OPA1: variants seen among roughly 807,000 people sequenced by gnomAD.
OPA1 encodes the protein dynamin-like GTPase OPA1, mitochondrial.
A neutral mutation model predicts 152.9 loss-of-function variants in OPA1; 59 were observed. The observed-to-expected ratio is 0.39, with a 90% confidence interval of 0.31 to 0.48. OPA1 has a LOEUF of 0.48. Among genes scored for constraint, OPA1 ranks in the 20% least tolerant of loss-of-function variants. OPA1 has a pLI of 0.96. For synonymous variants in OPA1, 400 were observed against 389.9 expected (o/e 1.03, Z -0.31); for missense variants, 1,008 against 1,216.8 (o/e 0.83, Z 2.55).
At chr3:193,626,844 A>G (rs765892452) in intron 7 of OPA1, among the ~76,000 whole-genome samples, 5 of 152,202 alleles carry the variant, frequency 3.3e-5, no homozygotes, top group African/African-American at 7.2e-5. Context: ...AACAAGTTCT[A>G]ATAAAAGCTT....
At chr3:193,648,022 C>G in intron 19 of OPA1, 48 bp from the exon 20 acceptor site, 1 of 1,362,276 alleles carries the variant, frequency 7.3e-7, no homozygotes, top group Non-Finnish European at 1.1e-6. Flanking sequence ...ACCACTACAT[C>G]TGGAAAGAAG....
chr3:193,681,609 T>A (rs551627559), intron 29 of OPA1, among the ~76,000 whole-genome samples: 1 of 152,250 alleles, frequency 6.6e-6, no homozygotes, highest in Non-Finnish European at 1.5e-5. Context: ...AATAGAAGTT[T>A]TGTGGCAACC....
intron 29 of OPA1, among the ~76,000 whole-genome samples, chr3:193,669,157 GA>G (rs1374150230): frequency 2.0e-5 from 3 of 152,226 alleles, no homozygotes; most frequent in African/African-American, 7.2e-5. Context: ...GGGTTATCCT[GA>G]AGAAGCCAGG....
intron 1 of OPA1, among the ~76,000 whole-genome samples, chr3:193,599,307 G>C (rs1438957231): frequency 6.6e-6 from 1 of 151,822 alleles, no homozygotes; most frequent in Non-Finnish European, 1.5e-5. Context: ...ATTCAGTCCA[G>C]TTTTACTCCT....
In OPA1 at chr3:193,678,413, C is replaced by T. The variant is rs199563509; in HGVS notation, c.2983+11133C>T. 5.9e-5 allele frequency among the ~76,000 whole-genome samples: 9 copies of T among 151,970 alleles called. No homozygotes were observed. The East Asian group carries it at 1.5e-3, about 26-fold the overall frequency. On this transcript the variant is annotated intron_variant, in intron 29 of 30. Coordinates refer to ENST00000361510, the MANE Select transcript of OPA1 (RefSeq NM_130837.3). The stretch of plus-strand genomic sequence containing the variant: ...TGGCAAAATTTTAAAAAATAATTGC[C>T]ACCACCCAGAGATTGCACTGTAGTT...
intron 11 of OPA1, among the ~76,000 whole-genome samples, chr3:193,641,818 G>A (rs528803870): frequency 7.9e-5 from 12 of 152,208 alleles, no homozygotes; most frequent in Non-Finnish European, 1.3e-4. Flanking sequence ...AATATACATT[G>A]CTATAACATT....
At position 193,692,058 on chromosome 3, in the gene OPA1, C is replaced by CACTTTTCTCTA; in HGVS notation, c.2984-3_2984-2insTTTTCTCTAAC. On this transcript the variant is annotated splice_region_variant and splice_polypyrimidine_tract_variant and intron_variant, in intron 29 of 30. Coordinates refer to ENST00000361510, the MANE Select transcript of OPA1 (RefSeq NM_130837.3). ...AAATGTTTTTCTTTATTTTTATCTC[C>CACTTTTCTCTA]ACAGAGAAAGTTAGAGAAATTCAAG... is the stretch of plus-strand genomic sequence containing the variant. The CACTTTTCTCTA allele has an allele frequency of 6.7e-7, 1 of 1,484,892 alleles. No homozygotes were observed. Among genetic ancestry groups the CACTTTTCTCTA allele is most frequent in the Non-Finnish European group, 9.3e-7 (1 of 1,077,790 alleles). The allele number at this position is 1,484,892 out of a possible 1,614,324, so 92.0% of individuals were successfully genotyped here. A position where few individuals can be genotyped will look rare whatever the true frequency, so the allele number is the denominator to read the frequency against.
At chr3:193,675,910 C>T (rs1718895785) in intron 29 of OPA1, among the ~76,000 whole-genome samples, 2 of 152,174 alleles carry the variant, frequency 1.3e-5, no homozygotes, top group African/African-American at 4.8e-5. Flanking sequence ...GGAACTAACT[C>T]TTTTCATCCC....
At chr3:193,690,326 A>G (rs1322352995) in intron 29 of OPA1, among the ~76,000 whole-genome samples, 1 of 64,352 alleles carries the variant, frequency 1.6e-5, no homozygotes. Flanking sequence ...CACCCCACAC[A>G]CACACAGATT....
chr3:193,610,628 G>A lies in OPA1; in HGVS notation c.33-4095G>A, dbSNP rs536260300. Reference sequence around the variant, plus strand: ...CCTTTTGTTCGGCTATGCCCTGCCTGCAGAGGTGGAGTCTACAGAGGAAGG... The same window carrying A: ...CCTTTTGTTCGGCTATGCCCTGCCTACAGAGGTGGAGTCTACAGAGGAAGG... On this transcript the variant is annotated intron_variant, in intron 1 of 30. Coordinates refer to ENST00000361510, the MANE Select transcript of OPA1 (RefSeq NM_130837.3). 3.4e-3 allele frequency among the ~76,000 whole-genome samples: 524 copies of A among 152,316 alleles called. 1 individual carries two copies. The highest frequency in any genetic ancestry group is 5.3e-3 in the Non-Finnish European group (363 of 68,024).
chr3:193,677,895 G>A (rs946307434), intron 29 of OPA1, among the ~76,000 whole-genome samples: 1 of 152,328 alleles, frequency 6.6e-6, no homozygotes, highest in East Asian at 1.9e-4. Flanking sequence ...GGACTGCATG[G>A]TCGTTGCTCA....
intron 26 of OPA1, among the ~76,000 whole-genome samples, chr3:193,663,388 ATG>A (rs1715761783): frequency 6.6e-6 from 1 of 152,114 alleles, no homozygotes; most frequent in South Asian, 2.1e-4. Context: ...AAAAATAAAA[ATG>A]TTGTTTTTAT....
chr3:193,605,041 G>A (rs974516520), intron 1 of OPA1, among the ~76,000 whole-genome samples: 1 of 152,130 alleles, frequency 6.6e-6, no homozygotes, highest in African/African-American at 2.4e-5. Context: ...TGAGGAAACT[G>A]TAGTGTCATT....
At chr3:193,602,134 A>G (rs1369490940) in intron 1 of OPA1, among the ~76,000 whole-genome samples, 1 of 152,202 alleles carries the variant, frequency 6.6e-6, no homozygotes, top group African/African-American at 2.4e-5. Context: ...AGCTGTCTGT[A>G]ACCAGGATGC....
chr3:193,653,447 ATTC>A (rs1020695833), intron 21 of OPA1, among the ~76,000 whole-genome samples: 169 of 152,250 alleles, frequency 1.1e-3, no homozygotes, highest in African/African-American at 3.8e-3. Context: ...GGTTGAGATT[ATTC>A]TTAAGAAGGA....
At chr3:193,602,102 T>C (rs1726552430) in intron 1 of OPA1, among the ~76,000 whole-genome samples, 1 of 152,182 alleles carries the variant, frequency 6.6e-6, no homozygotes, top group Non-Finnish European at 1.5e-5. Context: ...GGTAGAGAAG[T>C]CTTGATCTGT....
chr3:193,594,608 G>A (rs1725211974), intron 1 of OPA1, among the ~76,000 whole-genome samples: 1 of 152,078 alleles, frequency 6.6e-6, no homozygotes, highest in Non-Finnish European at 1.5e-5. Flanking sequence ...GGCTGGTCTC[G>A]AACTCCTGAC....
chr3:193,614,587 A>G (rs1284513494), intron 1 of OPA1, 136 bp from the exon 2 acceptor site: 4 of 741,546 alleles, frequency 5.4e-6, no homozygotes, highest in Middle Eastern at 3.3e-4. Flanking sequence ...AATGGTTAGT[A>G]AATGTGAACT....
intron 21 of OPA1, among the ~76,000 whole-genome samples, chr3:193,653,577 G>T (rs1037274603): frequency 9.2e-5 from 14 of 152,092 alleles, no homozygotes; most frequent in East Asian, 5.8e-4. Context: ...AGTGACCCAT[G>T]TTCTTTTAAG....
Sources: allele counts gnomAD v4.1 joint callset (sites outside exome capture counted in the v4.1 genomes callset), GRCh38; gene constraint gnomAD v4.1.1; transcripts MANE v1.5; gene names NCBI Gene and HGNC (gene_info 2026-07-23, HGNC 2026-07-21).